Variants in PLEKHM2 observed in about 807,000 individuals in gnomAD.
PLEKHM2 encodes pleckstrin homology domain-containing family M member 2.
In PLEKHM2, 77 loss-of-function variants were observed where a neutral mutation model predicts 116.3. The ratio of observed to expected loss-of-function variants is 0.66; its 90% CI spans 0.55 to 0.80. The LOEUF is 0.80. PLEKHM2 is among the 30% of genes least tolerant of loss of function. The pLI is 0.00. For missense variants in PLEKHM2, 1,183 were observed against 1,354.9 expected (o/e 0.87, Z 1.99); for synonymous variants, 562 against 571.0 (o/e 0.98, Z 0.22).
Position 15,733,996 on chromosome 1 carries a change from C to T in PLEKHM2, c.*62C>T. On this transcript the variant is annotated 3_prime_UTR_variant, in exon 20 of 20. Transcript: ENST00000375799. ...GAAGGCACGCCAGCCGGCAGGCACA[C>T]TGTCACGGCTGTTGTCATGCTGTCG... 3 of 1,533,192 alleles carry T rather than the reference C, an allele frequency of 2.0e-6. No individual in the cohort carries two copies. The highest frequency in any genetic ancestry group is 1.4e-5 in the African/African-American group (1 of 73,356). The allele number at this position is 1,533,192 out of a possible 1,614,324, so 95.0% of individuals were successfully genotyped here. A position where few individuals can be genotyped will look rare whatever the true frequency, so the allele number is the denominator to read the frequency against.
At position 15,712,253 on chromosome 1, in the gene PLEKHM2, G is replaced by A. The variant is rs577411822; in HGVS notation, c.61-3984G>A. Among the ~76,000 whole-genome samples the A allele has an allele frequency of 5.9e-5, 9 of 152,214 alleles. No individual in the cohort carries two copies. The South Asian group carries it at 8.3e-4, about 14-fold the overall frequency. On this transcript the variant is annotated intron_variant, in intron 1 of 19. Coordinates refer to ENST00000375799, the MANE Select transcript of PLEKHM2 (RefSeq NM_015164.4). The stretch of plus-strand genomic sequence containing the variant: ...GTGGCTAATATGGATGTTCCACTGC[G>A]CTTTTAATCAGAGAAGTACAATTTA...
chr1:15,701,447 A>AG (rs1044483272), intron 1 of PLEKHM2, among the ~76,000 whole-genome samples: 11 of 151,512 alleles, frequency 7.3e-5, no homozygotes, highest in Non-Finnish European at 1.5e-5. Context: ...AAAAGAAAAA[A>AG]GAAAAAAAAA....
intron 7 of PLEKHM2, among the ~76,000 whole-genome samples, chr1:15,722,530 G>A (rs1350089460): frequency 6.6e-6 from 1 of 152,318 alleles, no homozygotes; most frequent in East Asian, 1.9e-4. Context: ...CCTCTGAACA[G>A]GGGAGGTGAG....
chr1:15,717,270 C>T (rs1020925233), intron 3 of PLEKHM2, among the ~76,000 whole-genome samples: 3 of 152,000 alleles, frequency 2.0e-5, no homozygotes, highest in Non-Finnish European at 2.9e-5. Context: ...GGAAAATGGC[C>T]GGGCACAGTG....
chr1:15,725,254 T>C, intron 7 of PLEKHM2, 63 bp from the exon 8 acceptor site: 1 of 1,224,542 alleles, frequency 8.2e-7, no homozygotes, highest in South Asian at 1.3e-5. Flanking sequence ...TAACGCATGC[T>C]CTGGGGGTCG....
chr1:15,685,819 T>C (rs548329739), intron 1 of PLEKHM2, among the ~76,000 whole-genome samples: 1 of 152,314 alleles, frequency 6.6e-6, no homozygotes, highest in East Asian at 1.9e-4. Context: ...ACAGCTAAAG[T>C]AACATTGCAG....
intron 8 of PLEKHM2, 80 bp downstream of exon 8, chr1:15,725,625 G>T (rs752164611): frequency 4.8e-6 from 5 of 1,042,546 alleles, no homozygotes; most frequent in Non-Finnish European, 7.2e-6. Flanking sequence ...GTTCATCCAG[G>T]GCAGACCGGG....
Position 15,728,192 on chromosome 1 carries a change from A to C in PLEKHM2, c.1830+44A>C, listed in dbSNP as rs534173339. The C allele has an allele frequency of 3.3e-5, 53 of 1,604,816 alleles. 1 individual carries two copies. In the South Asian group the frequency reaches 5.4e-4, roughly 16 times the overall value. On this transcript the variant is annotated intron_variant, in intron 10 of 19. Coordinates refer to ENST00000375799, the MANE Select transcript of PLEKHM2 (RefSeq NM_015164.4). The surrounding 1 kb of genome is among the most constrained non-coding windows in gnomAD (Gnocchi z 5.9). ...GGAGTGAGCAAGAGACGGCAAGGGC[A>C]AGGCGGGATGGGCCACCGCCCCCGC...
intron 1 of PLEKHM2, among the ~76,000 whole-genome samples, chr1:15,701,129 A>AAAAAG (rs1484825478): frequency 8.8e-5 from 12 of 136,350 alleles, no homozygotes; most frequent in African/African-American, 3.0e-4. Flanking sequence ...AAAAAAAAAA[A>AAAAAG]GGGGGTGGGG....
At position 15,731,818 on chromosome 1, in the gene PLEKHM2, A is replaced by G. The variant is rs2068146643; in HGVS notation, c.2466-71A>G. 6.4e-6 allele frequency: 9 copies of G among 1,399,198 alleles called. No individual in the cohort carries two copies. The East Asian group carries it at 2.2e-4, about 34-fold the overall frequency. 86.7% of individuals were successfully genotyped at this position (1,399,198 alleles called of 1,614,324 possible). ...GACCCTGTGCCGCACACCCCGCACC[A>G]ACCCTGGGGGCTGTCGCCCCGTGCT... is the stretch of plus-strand genomic sequence containing the variant. On this transcript the variant is annotated intron_variant, in intron 16 of 19. Transcript: ENST00000375799.
chr1:15,723,437 A>T (rs1274891862), intron 7 of PLEKHM2: 1 of 146,980 alleles, frequency 6.8e-6, no homozygotes, highest in Non-Finnish European at 1.5e-5. Flanking sequence ...TTATATTAAA[A>T]GACAGCAGAC....
Position 15,728,773 on chromosome 1 carries a change from C to T in PLEKHM2, c.1986+40C>T, listed in dbSNP as rs375628212. On this transcript the variant is annotated intron_variant, in intron 12 of 19. Transcript: ENST00000375799. This position sits in a 1 kb window ranked among gnomAD's most constrained non-coding sequence, Gnocchi z 5.9. ...CGCAGTTGTGCGCCTGCTGTAGGTA[C>T]AGGGCTTCTCAAGCCACTTACCCAT... 48 of 1,544,508 alleles carry T rather than the reference C, an allele frequency of 3.1e-5. No individual in the cohort carries two copies. The highest frequency in any genetic ancestry group is 4.1e-5 in the African/African-American group (3 of 73,492).
intron 8 of PLEKHM2, chr1:15,725,756 A>T (rs770827301): frequency 6.2e-5 from 36 of 580,850 alleles, no homozygotes; most frequent in Non-Finnish European, 1.0e-4. Context: ...AAAGCACCGC[A>T]GACAGGCGGC....
chr1:15,687,138 G>A (rs1237966916), intron 1 of PLEKHM2, among the ~76,000 whole-genome samples: 1 of 151,796 alleles, frequency 6.6e-6, no homozygotes, highest in African/African-American at 2.4e-5. Flanking sequence ...TGGTCAGGCT[G>A]TGTTATGAAG....
In PLEKHM2 at chr1:15,721,715, G is replaced by A. The variant is rs1304396893; in HGVS notation, c.712+327G>A. Among the ~76,000 whole-genome samples the A allele has an allele frequency of 6.6e-6, 1 of 152,196 alleles. No homozygotes were observed. Among genetic ancestry groups the A allele is most frequent in the Admixed American group, 6.5e-5 (1 of 15,282 alleles). ...CTCGGGGTGTGTAGGGCCTGACCCA[G>A]TGAACCAAGACTTGTTCTGGAAAAC... On this transcript the variant is annotated intron_variant, in intron 7 of 19. Transcript: ENST00000375799. The surrounding 1 kb of genome is among the most constrained non-coding windows in gnomAD (Gnocchi z 5.1).
At position 15,729,153 on chromosome 1, in the gene PLEKHM2, C is replaced by T; in HGVS notation, c.2038C>T (p.Gln680Ter). 1 of 1,612,042 alleles carries T rather than the reference C, an allele frequency of 6.2e-7. No individual in the cohort carries two copies. Among genetic ancestry groups the T allele is most frequent in the Non-Finnish European group, 8.5e-7 (1 of 1,179,130 alleles). The change falls in exon 13 of 20, where the codon CAG (glutamine) becomes TAG (stop). Residue 680 changes from glutamine (Q) to a stop codon, truncating the protein, a stop_gained. Transcript: ENST00000375799. LOFTEE classifies it high-confidence loss of function. The surrounding 1 kb of genome is among the most constrained non-coding windows in gnomAD (Gnocchi z 4.7). ...VKLVCTNRRK[Q>*]FLLDTADVAL... The stretch of plus-strand genomic sequence containing the variant: ...GCTGGTGTGCACCAACCGCAGGAAG[C>T]AGTTTCTGCTGGACACGGCTGATGT...
At chr1:15,706,910 T>C (rs1032414925) in intron 1 of PLEKHM2, among the ~76,000 whole-genome samples, 1 of 152,190 alleles carries the variant, frequency 6.6e-6, no homozygotes, top group Non-Finnish European at 1.5e-5. Flanking sequence ...GGCTTGAGCC[T>C]TCCCTTCTGG....
At chr1:15,722,521 C>T (rs543933177) in intron 7 of PLEKHM2, among the ~76,000 whole-genome samples, 1 of 152,160 alleles carries the variant, frequency 6.6e-6, no homozygotes, top group Non-Finnish European at 1.5e-5. Flanking sequence ...GGAACCTGGC[C>T]TCTGAACAGG....
In PLEKHM2 at chr1:15,734,210, T is replaced by G; in HGVS notation, c.*276T>G. 1 of 424,862 alleles carries G rather than the reference T, an allele frequency of 2.4e-6. No individual in the cohort carries two copies. Among genetic ancestry groups the G allele is most frequent in the Admixed American group, 4.3e-5 (1 of 23,120 alleles). 26.3% of individuals were successfully genotyped at this position (424,862 alleles called of 1,614,324 possible). On this transcript the variant is annotated 3_prime_UTR_variant, in exon 20 of 20. Transcript: ENST00000375799. ...TGGGCTCTGCGGATGCACGCCCTCCTCCCGGGCCTCCGCCTCAGTCTGCAG... is the reference window on the plus strand; with the variant it reads ...TGGGCTCTGCGGATGCACGCCCTCCGCCCGGGCCTCCGCCTCAGTCTGCAG...
Sources: allele counts gnomAD v4.1 joint callset (sites outside exome capture counted in the v4.1 genomes callset), GRCh38; gene constraint gnomAD v4.1.1; non-coding constraint Gnocchi (gnomAD v3.1); transcripts MANE v1.5; gene names NCBI Gene and HGNC (gene_info 2026-07-23, HGNC 2026-07-21).